The following PGS1 variants were observed in gnomAD, a reference collection of about 807,000 sequenced individuals.
The protein encoded by PGS1 is phosphatidylglycerophosphate synthase 1.
Under a neutral mutation model 58.3 loss-of-function variants are expected in PGS1, and 44 were observed. The ratio of observed to expected loss-of-function variants is 0.75; its 90% confidence interval spans 0.59 to 0.97. The LOEUF is 0.97. PGS1 is among the 50% of genes least tolerant of loss of function. The probability of loss-of-function intolerance (pLI) is 0.00; values close to 1 mark genes in which losing one functional copy is unlikely to be tolerated. For synonymous variants in PGS1, 330 were observed against 311.0 expected, an observed-to-expected ratio of 1.06 and a Z score of -0.64; for missense variants, 684 against 731.1, an observed-to-expected ratio of 0.94 and a Z score of 0.74.
chr17:78,380,029 G>T (rs2081928136), intron 1 of PGS1, among the ~76,000 whole-genome samples: 1 of 151,666 alleles, frequency 6.6e-6, no homozygotes, highest in Non-Finnish European at 1.5e-5. Flanking sequence ...ACCACACCCG[G>T]CTAATTTTGT....
intron 3 of PGS1, among the ~76,000 whole-genome samples, chr17:78,397,894 G>T (rs16971105): frequency 0.61 from 92,932 of 152,064 alleles, 28,506 homozygotes; most frequent in Admixed American, 0.65. Context: ...CACTCTTTAC[G>T]AGGAGGGCAC....
intron 2 of PGS1, among the ~76,000 whole-genome samples, chr17:78,394,170 TC>T (rs66872902): frequency 0.26 from 19,257 of 73,358 alleles, 6,647 homozygotes; most frequent in African/African-American, 0.4. Context: ...AGACTCTATC[TC>T]CCAAAAAAAA....
chr17:78,395,313 A>G (rs1458619497), intron 2 of PGS1, among the ~76,000 whole-genome samples: 1 of 152,222 alleles, frequency 6.6e-6, no homozygotes, highest in African/African-American at 2.4e-5. Flanking sequence ...TTAATTGGTA[A>G]CAAAACAAAG....
At chr17:78,405,765 T>C (rs1363658012) in intron 7 of PGS1, among the ~76,000 whole-genome samples, 1 of 152,140 alleles carries the variant, frequency 6.6e-6, no homozygotes, top group Non-Finnish European at 1.5e-5. Flanking sequence ...GTGCCATGAG[T>C]ACATCCCACG....
chr17:78,402,009 T>A (rs1303037994), intron 6 of PGS1, among the ~76,000 whole-genome samples: 1 of 151,156 alleles, frequency 6.6e-6, no homozygotes, highest in South Asian at 2.1e-4. Flanking sequence ...AGCCCAGCTG[T>A]GCTTGGGAGA....
At chr17:78,398,417 A>G (rs1331559238) in intron 4 of PGS1, 66 bp downstream of exon 4, 2 of 1,064,870 alleles carry the variant, frequency 1.9e-6, no homozygotes, top group Admixed American at 1.7e-5. Context: ...AAGAGGGGTT[A>G]CTGTCACCCC....
intron 9 of PGS1, chr17:78,423,666 G>A (rs2086180343): frequency 6.0e-6 from 3 of 499,774 alleles, no homozygotes; most frequent in Non-Finnish European, 1.1e-5. Flanking sequence ...GCCTCACAGT[G>A]GCCATCAGGC....
intron 6 of PGS1, among the ~76,000 whole-genome samples, chr17:78,401,138 A>T (rs11077362): frequency 0.61 from 93,225 of 151,746 alleles, 28,721 homozygotes; most frequent in Admixed American, 0.65. Flanking sequence ...GACGCAGGTG[A>T]GGAGGACTCA....
rs35472026 is a variant in PGS1, at chr17:78,411,902, C to CTTTTTTTT, written c.1403-2956_1403-2949dup. On this transcript the variant is annotated intron_variant, in intron 7 of 9. Transcript: ENST00000262764. ...ATGAAACAGAACTAAAGGGCTCCTGCTTTTTTTTTTTTTTTTTTTTTTTTT... is the reference window on the plus strand; with the variant it reads ...ATGAAACAGAACTAAAGGGCTCCTGCTTTTTTTTTTTTTTTTTTTTTTTTTTTTTTTTT... 3.4e-4 allele frequency among the ~76,000 whole-genome samples: 20 copies of CTTTTTTTT among 58,010 alleles called. 3 individuals are homozygous for CTTTTTTTT. Among genetic ancestry groups the CTTTTTTTT allele is most frequent in the African/African-American group, 1.4e-3 (18 of 13,156 alleles). The allele number at this position is 58,010 out of a possible 152,430, so 38.1% of individuals were successfully genotyped here. A position where few individuals can be genotyped will look rare whatever the true frequency, so the allele number is the denominator to read the frequency against.
intron 1 of PGS1, among the ~76,000 whole-genome samples, chr17:78,384,268 A>G (rs1293998214): frequency 6.6e-6 from 1 of 152,162 alleles, no homozygotes; most frequent in African/African-American, 2.4e-5. Context: ...ACCTACGGGA[A>G]TCCACACTCA....
At chr17:78,418,322 T>C (rs566968050) in intron 8 of PGS1, among the ~76,000 whole-genome samples, 313 of 152,308 alleles carry the variant, frequency 2.1e-3, no homozygotes, top group Middle Eastern at 3.4e-3. Context: ...ACTAACCCTT[T>C]CTGTAGGGAA....
chr17:78,403,992 C>G lies in PGS1; in HGVS notation c.1305C>G (p.Ile435Met), dbSNP rs144934446. The G allele has an allele frequency of 5.6e-6, 9 of 1,613,782 alleles. No homozygotes were observed. The highest frequency in any genetic ancestry group is 7.6e-6 in the Non-Finnish European group (9 of 1,179,956). Residue 435 changes from isoleucine to methionine, a missense_variant, in exon 7 of 10, where the codon ATC (isoleucine) becomes ATG (methionine). Ile to Met is a conservative substitution (Grantham distance 10). Transcript: ENST00000262764. ...CCATCCCAGCGGCCTATGTGCACAT[C>G]GAGCGACAGTTCTTCAGTGAGGTGT... ...AGAIPAAYVH[I>M]ERQFFSEVCS...
intron 9 of PGS1, chr17:78,420,760 A>C (rs985330529): frequency 1.3e-5 from 2 of 152,200 alleles, no homozygotes; most frequent in African/African-American, 4.8e-5. Flanking sequence ...AAATGTAGAG[A>C]GTAAAACAAT....
At chr17:78,399,301 C>G in intron 4 of PGS1, 47 bp from the exon 5 acceptor site, 1 of 1,491,710 alleles carries the variant, frequency 6.7e-7, no homozygotes, top group Non-Finnish European at 9.3e-7. Flanking sequence ...GGGGGCAGGA[C>G]GCCTTCCTGT....
Position 78,393,384 on chromosome 17 carries a change from C to G in PGS1, c.333+719C>G, listed in dbSNP as rs557433458. Among the ~76,000 whole-genome samples the G allele has an allele frequency of 2.0e-5, 3 of 152,308 alleles. No homozygotes were observed. In the South Asian group the frequency reaches 6.2e-4, roughly 32 times the overall value. ...CTAGACTTTGATTCTTATGGGCGCACTGATTCCTTTTCCTCCATGGTGAAG... is the reference window on the plus strand; with the variant it reads ...CTAGACTTTGATTCTTATGGGCGCAGTGATTCCTTTTCCTCCATGGTGAAG... On this transcript the variant is annotated intron_variant, in intron 2 of 9. Coordinates refer to ENST00000262764, the MANE Select transcript of PGS1 (RefSeq NM_024419.5).
At chr17:78,404,525 C>T (rs939260060) in intron 7 of PGS1, among the ~76,000 whole-genome samples, 1 of 151,952 alleles carries the variant, frequency 6.6e-6, no homozygotes, top group Non-Finnish European at 1.5e-5. Flanking sequence ...AGTGGTCTGC[C>T]TGCCTTGCCT....
At chr17:78,406,501 C>T (rs151086233) in intron 7 of PGS1, among the ~76,000 whole-genome samples, 40 of 152,346 alleles carry the variant, frequency 2.6e-4, no homozygotes, top group African/African-American at 9.1e-4. Context: ...ATCCCACGTG[C>T]TGCTTTGAGG....
In PGS1 at chr17:78,393,248, G is replaced by C. The variant is rs566703368; in HGVS notation, c.333+583G>C. Among the ~76,000 whole-genome samples the C allele has an allele frequency of 5.1e-4, 78 of 152,200 alleles. No homozygotes were observed. In the East Asian group the frequency reaches 0.014, roughly 28 times the overall value. On this transcript the variant is annotated intron_variant, in intron 2 of 9. Coordinates refer to ENST00000262764, the MANE Select transcript of PGS1 (RefSeq NM_024419.5). ...GCTAATTTTTTGTATTTTTAGTAGA[G>C]ATGGGGTTTCACTGTGTTAGCCAGG... is the stretch of plus-strand genomic sequence containing the variant.
chr17:78,415,055 G>A, intron 8 of PGS1, 28 bp downstream of exon 8: 2 of 1,579,844 alleles, frequency 1.3e-6, no homozygotes, highest in Non-Finnish European at 1.7e-6. Flanking sequence ...GGATTTCCCA[G>A]GGCGCTGAGG....
Sources: gnomAD v4.1 joint callset for allele counts (sites outside exome capture counted in the v4.1 genomes callset) on GRCh38, gnomAD v4.1.1 for gene constraint, MANE v1.5 for transcripts, NCBI Gene and HGNC (gene_info 2026-07-23, HGNC 2026-07-21) for gene names.